Variants in DAB1 observed in about 807,000 individuals in gnomAD.
DAB1 encodes the protein disabled homolog 1.
Under a neutral mutation model 64.6 loss-of-function variants are expected in DAB1, and 15 were observed. The observed-to-expected ratio is 0.23, with a 90% CI of 0.16 to 0.36. The LOEUF is 0.36. Ranked by LOEUF, DAB1 falls within the 10% of genes least tolerant of loss-of-function variation. The pLI is 1.00. For missense variants in DAB1, 596 were observed against 706.7 expected (o/e 0.84, Z 1.78); for synonymous variants, 235 against 251.9 (o/e 0.93, Z 0.64).
intron 2 of DAB1, among the ~76,000 whole-genome samples, chr1:58,512,852 T>A (rs1010826305): frequency 9.2e-5 from 14 of 152,138 alleles, no homozygotes; most frequent in African/African-American, 3.4e-4. Context: ...TAGTTAAGTA[T>A]GTGTTGTAAA....
chr1:58,085,078 GT>G (rs1449113455), intron 5 of DAB1, among the ~76,000 whole-genome samples: 1 of 152,112 alleles, frequency 6.6e-6, no homozygotes, highest in Non-Finnish European at 1.5e-5. Flanking sequence ...TGAAAGAATG[GT>G]TATTTTATCA....
chr1:57,917,890 G>A (rs1569989340), intron 5 of DAB1, among the ~76,000 whole-genome samples: 1 of 151,886 alleles, frequency 6.6e-6, no homozygotes, highest in South Asian at 2.1e-4. Flanking sequence ...CTGTAATAAT[G>A]AGGTATCATT....
At chr1:57,324,162 T>G (rs1675965342) in intron 1 of DAB1, among the ~76,000 whole-genome samples, 1 of 152,322 alleles carries the variant, frequency 6.6e-6, no homozygotes, top group Admixed American at 6.5e-5. Flanking sequence ...AACAGGTCAA[T>G]AGCATTCATA....
chr1:57,053,683 TATA>T (rs1466197099), intron 9 of DAB1, among the ~76,000 whole-genome samples: 2 of 92,886 alleles, frequency 2.2e-5, no homozygotes, highest in African/African-American at 3.8e-5. Flanking sequence ...TATATATATA[TATA>T]TATTTTTTTT....
At position 57,136,117 on chromosome 1, in the gene DAB1, T is replaced by C. The variant is rs75690195; in HGVS notation, c.306+426A>G. The stretch of plus-strand genomic sequence containing the variant: ...AGATTGAGAACTCCATTTATTCTTT[T>C]TGATTACAGCAATTGCAAGGTGCTC... On this transcript the variant is annotated intron_variant, in intron 4 of 14. Coordinates refer to ENST00000371236, the MANE Select transcript of DAB1 (RefSeq NM_001365792.1). 0.015 allele frequency among the ~76,000 whole-genome samples: 2,249 copies of C among 152,298 alleles called. 96 individuals carry two copies. The East Asian group carries it at 0.16, about 11-fold the overall frequency.
chr1:58,421,440 T>A (rs1308628618), intron 3 of DAB1, among the ~76,000 whole-genome samples: 1 of 152,174 alleles, frequency 6.6e-6, no homozygotes, highest in Non-Finnish European at 1.5e-5. Context: ...CACACCCTGC[T>A]CCTTAAAATG....
intron 1 of DAB1, among the ~76,000 whole-genome samples, chr1:57,381,767 T>C (rs896195331): frequency 2.6e-5 from 4 of 152,280 alleles, no homozygotes; most frequent in East Asian, 1.9e-4. Context: ...ACTTTATAGG[T>C]TCTCTGCCCA....
chr1:57,586,383 T>G (rs1645380849), intron 7 of DAB1, among the ~76,000 whole-genome samples: 1 of 152,224 alleles, frequency 6.6e-6, no homozygotes, highest in African/African-American at 2.4e-5. Flanking sequence ...TTTATTGGTC[T>G]GTCTCCTCCA....
chr1:57,249,227 C>A (rs1222088353), intron 2 of DAB1, among the ~76,000 whole-genome samples: 2 of 151,988 alleles, frequency 1.3e-5, no homozygotes, highest in East Asian at 3.9e-4. Context: ...AGAAAAAAAT[C>A]CACATTTTGC....
intron 3 of DAB1, among the ~76,000 whole-genome samples, chr1:58,389,272 T>C (rs1265108230): frequency 3.3e-5 from 5 of 152,178 alleles, no homozygotes; most frequent in Non-Finnish European, 7.4e-5. Flanking sequence ...ACTCCATTTC[T>C]AAAAATATTT....
intron 4 of DAB1, among the ~76,000 whole-genome samples, chr1:58,267,291 C>A (rs1661193665): frequency 6.6e-6 from 1 of 152,074 alleles, no homozygotes; most frequent in Admixed American, 6.5e-5. Context: ...CAACTAAAAT[C>A]TTGAAGGAGT....
intron 2 of DAB1, among the ~76,000 whole-genome samples, chr1:57,194,319 T>C (rs1170386665): frequency 6.6e-6 from 1 of 152,212 alleles, no homozygotes; most frequent in East Asian, 1.9e-4. Flanking sequence ...TCTGTCTGTC[T>C]TTTTAATGGA....
At chr1:57,276,918 G>C (rs781199789) in intron 2 of DAB1, among the ~76,000 whole-genome samples, 3 of 151,942 alleles carry the variant, frequency 2.0e-5, no homozygotes, top group Non-Finnish European at 1.5e-5. Flanking sequence ...CACTCTGCCA[G>C]GTTTTGAAAA....
intron 2 of DAB1, among the ~76,000 whole-genome samples, chr1:57,280,286 T>C (rs1166456966): frequency 2.0e-5 from 3 of 152,218 alleles, no homozygotes; most frequent in Admixed American, 6.5e-5. Flanking sequence ...CTGCCTTTGA[T>C]CTATGTGTGT....
At chr1:57,747,020 G>A (rs1648308819) in intron 6 of DAB1, among the ~76,000 whole-genome samples, 1 of 151,766 alleles carries the variant, frequency 6.6e-6, no homozygotes, top group Non-Finnish European at 1.5e-5. Context: ...TTCTTTTTTG[G>A]TATACATTCA....
intron 7 of DAB1, among the ~76,000 whole-genome samples, chr1:57,630,122 A>C (rs2101627065): frequency 6.6e-6 from 1 of 152,312 alleles, no homozygotes. Context: ...GAGACTCAAA[A>C]ATAAGAGGGA....
At chr1:57,993,259 A>G (rs1646375101) in intron 5 of DAB1, among the ~76,000 whole-genome samples, 1 of 152,152 alleles carries the variant, frequency 6.6e-6, no homozygotes, top group Non-Finnish European at 1.5e-5. Context: ...ACTCTCTCAG[A>G]TAATTCAATT....
intron 5 of DAB1, among the ~76,000 whole-genome samples, chr1:58,099,065 G>C (rs551091794): frequency 3.3e-5 from 5 of 152,282 alleles, no homozygotes; most frequent in East Asian, 1.9e-4. Context: ...AGATGTCCTA[G>C]AGCAGTATCA....
intron 2 of DAB1, among the ~76,000 whole-genome samples, chr1:57,178,516 A>G (rs1264594410): frequency 6.6e-6 from 1 of 152,226 alleles, no homozygotes; most frequent in East Asian, 1.9e-4. Flanking sequence ...ATTTACATGA[A>G]ATTTGAAATC....
Sources: allele counts gnomAD v4.1 joint callset (sites outside exome capture counted in the v4.1 genomes callset), GRCh38; gene constraint gnomAD v4.1.1; transcripts MANE v1.5; gene names NCBI Gene and HGNC (gene_info 2026-07-23, HGNC 2026-07-21).